PDE10A: variants seen among roughly 807,000 people sequenced by gnomAD.
The protein encoded by PDE10A is cAMP and cAMP-inhibited cGMP 3',5'-cyclic phosphodiesterase 10A.
Under a neutral mutation model 97.7 loss-of-function variants are expected in PDE10A, and 39 were observed. The observed-to-expected ratio is 0.40, with a 90% confidence interval of 0.31 to 0.52. The LOEUF is 0.52. PDE10A is among the 20% of genes least tolerant of loss of function. The pLI is 0.56. For synonymous variants in PDE10A, 371 were observed against 376.8 expected, an observed-to-expected ratio of 0.98 and a Z score of 0.18; for missense variants, 731 against 1,047.8, an observed-to-expected ratio of 0.70 and a Z score of 4.17.
At chr6:165,972,317 G>C (rs991986137) in intron 1 of PDE10A, among the ~76,000 whole-genome samples, 1 of 151,850 alleles carries the variant, frequency 6.6e-6, no homozygotes, top group Non-Finnish European at 1.5e-5. Context: ...AGGTGGACGG[G>C]GATTCTGCCC....
At chr6:165,614,170 T>A (rs1048147922) in intron 1 of PDE10A, among the ~76,000 whole-genome samples, 2 of 152,228 alleles carry the variant, frequency 1.3e-5, no homozygotes, top group African/African-American at 4.8e-5. Flanking sequence ...TACTGACTAT[T>A]CCCTGCCTTC....
intron 1 of PDE10A, among the ~76,000 whole-genome samples, chr6:165,810,598 A>G (rs1476924581): frequency 1.3e-5 from 2 of 152,102 alleles, no homozygotes; most frequent in African/African-American, 2.4e-5. Context: ...GGACGGTTGA[A>G]CATCTCTGGC....
intron 1 of PDE10A, among the ~76,000 whole-genome samples, chr6:165,884,967 T>A (rs1483862528): frequency 2.0e-5 from 3 of 152,066 alleles, no homozygotes; most frequent in Admixed American, 2.0e-4. Flanking sequence ...TGTCGTCCTG[T>A]GTGGGTTTAA....
At chr6:165,528,635 G>A (rs12194019) in intron 2 of PDE10A, among the ~76,000 whole-genome samples, 5,510 of 152,286 alleles carry the variant, frequency 0.036, 150 homozygotes, top group Middle Eastern at 0.092. Flanking sequence ...ACTACTGTCC[G>A]TGGATTCACA....
At chr6:165,486,028 C>G (rs1779896715) in intron 2 of PDE10A, among the ~76,000 whole-genome samples, 1 of 152,168 alleles carries the variant, frequency 6.6e-6, no homozygotes, top group South Asian at 2.1e-4. Context: ...CGAAAGGTGG[C>G]AGGTGTTCCT....
chr6:165,421,401 C>G (rs1440361693), intron 10 of PDE10A, among the ~76,000 whole-genome samples: 1 of 152,120 alleles, frequency 6.6e-6, no homozygotes, highest in South Asian at 2.1e-4. Flanking sequence ...CATGACTGAG[C>G]CACTGTATTC....
chr6:165,584,384 G>T (rs1054603234), intron 1 of PDE10A, among the ~76,000 whole-genome samples: 1 of 152,094 alleles, frequency 6.6e-6, no homozygotes, highest in African/African-American at 2.4e-5. Flanking sequence ...CCTTTGATTT[G>T]GTACTTTCCC....
intron 7 of PDE10A, among the ~76,000 whole-genome samples, chr6:165,432,559 G>C (rs370251688): frequency 3.3e-5 from 5 of 152,162 alleles, no homozygotes; most frequent in African/African-American, 1.2e-4. Context: ...TAGTAGTAAT[G>C]AGCCTATTGA....
At chr6:165,417,372 C>G (rs539569911) in intron 11 of PDE10A, among the ~76,000 whole-genome samples, 1 of 152,252 alleles carries the variant, frequency 6.6e-6, no homozygotes, top group African/African-American at 2.4e-5. Context: ...TGTTCATGCT[C>G]TCTGTGGTTT....
At chr6:165,881,593 T>TG (rs1425867442) in intron 1 of PDE10A, among the ~76,000 whole-genome samples, 6 of 139,650 alleles carry the variant, frequency 4.3e-5, no homozygotes, top group Non-Finnish European at 9.3e-5. Flanking sequence ...TTTTTAGAGG[T>TG]GGGGTTTCAC....
intron 1 of PDE10A, among the ~76,000 whole-genome samples, chr6:165,702,075 T>C (rs1032206697): frequency 2.0e-5 from 3 of 152,140 alleles, no homozygotes; most frequent in Non-Finnish European, 4.4e-5. Flanking sequence ...TGTTACACTA[T>C]AATTAGATTT....
intron 1 of PDE10A, among the ~76,000 whole-genome samples, chr6:165,609,404 C>T (rs1342689490): frequency 1.3e-5 from 2 of 152,156 alleles, no homozygotes; most frequent in Non-Finnish European, 2.9e-5. Flanking sequence ...CAATATCATA[C>T]TGAATGGGCA....
rs796767314 is a variant in PDE10A, at chr6:165,784,230, AAAAAAG to A, written c.-615+203293_-615+203298del. ...AATGCGAGACTCCATCTCAAAAAAA[AAAAAAG>A]AAAAAAGAAATAAAAAGAAAAGGTG... is the stretch of plus-strand genomic sequence containing the variant. On this transcript the variant is annotated intron_variant, in intron 1 of 19. Coordinates refer to the PDE10A transcript ENST00000366882. Among the ~76,000 whole-genome samples, 920 of 146,338 alleles carry A rather than the reference AAAAAAG, an allele frequency of 6.3e-3. 13 individuals are homozygous for A. Among genetic ancestry groups the A allele is most frequent in the African/African-American group, 0.024 (887 of 36,796 alleles).
chr6:165,604,645 A>G (rs1787124006), intron 1 of PDE10A, among the ~76,000 whole-genome samples: 2 of 152,252 alleles, frequency 1.3e-5, no homozygotes, highest in Admixed American at 1.3e-4. Flanking sequence ...CCTACATGGA[A>G]TGGGATACTA....
chr6:165,549,239 C>G (rs1221920753), intron 1 of PDE10A, among the ~76,000 whole-genome samples: 1 of 152,188 alleles, frequency 6.6e-6, no homozygotes, highest in Non-Finnish European at 1.5e-5. Context: ...ATTCATTGTT[C>G]TATCACACAA....
At chr6:165,426,157 A>G (rs544165934) in intron 10 of PDE10A, among the ~76,000 whole-genome samples, 2 of 152,302 alleles carry the variant, frequency 1.3e-5, no homozygotes, top group African/African-American at 4.8e-5. Context: ...AATTCCTATC[A>G]GCATTCCACC....
At chr6:165,953,677 C>T (rs549541596) in intron 1 of PDE10A, among the ~76,000 whole-genome samples, 5 of 152,200 alleles carry the variant, frequency 3.3e-5, no homozygotes, top group African/African-American at 7.2e-5. Flanking sequence ...CTCCCGTCCC[C>T]GGCATCCTCT....
At position 165,334,435 on chromosome 6, in the gene PDE10A, C is replaced by T. The variant is rs574714565; in HGVS notation, c.3066-1308G>A. On this transcript the variant is annotated intron_variant, in intron 21 of 21. Transcript: ENST00000539869. ...CAGCGCCGGGCACGCGCCTCTATAG[C>T]GCCCTACAGCGCCGGGCACACGCCT... Among the ~76,000 whole-genome samples, 340 of 151,472 alleles carry T rather than the reference C, an allele frequency of 2.2e-3. 5 individuals carry two copies. Among genetic ancestry groups the T allele is most frequent in the African/African-American group, 7.9e-3 (321 of 40,876 alleles).
At chr6:165,581,011 T>A (rs1468529269) in intron 1 of PDE10A, among the ~76,000 whole-genome samples, 2 of 152,374 alleles carry the variant, frequency 1.3e-5, no homozygotes, top group East Asian at 3.9e-4. Context: ...ATTATATAAT[T>A]TTTAGCACAT....
Sources: gnomAD v4.1 joint callset for allele counts (sites outside exome capture counted in the v4.1 genomes callset) on GRCh38, gnomAD v4.1.1 for gene constraint, MANE v1.5 for transcripts, NCBI Gene and HGNC (gene_info 2026-07-23, HGNC 2026-07-21) for gene names.